Variants in CSGALNACT1 observed in about 807,000 individuals in gnomAD.
CSGALNACT1 encodes beta4GalNAcT-1.
Under a neutral mutation model 51.0 loss-of-function variants are expected in CSGALNACT1, and 52 were observed. The observed-to-expected ratio is 1.02, with a 90% CI of 0.82 to 1.29. CSGALNACT1 has a LOEUF of 1.29. CSGALNACT1 is among the 50% of genes most tolerant of loss of function. CSGALNACT1 has a pLI of 0.00. For synonymous variants in CSGALNACT1, 341 were observed against 254.4 expected, an observed-to-expected ratio of 1.34 and a Z score of -3.24; for missense variants, 935 against 679.2, an observed-to-expected ratio of 1.38 and a Z score of -4.19.
chr8:19,468,199 C>A (rs2067170563), intron 4 of CSGALNACT1, among the ~76,000 whole-genome samples: 1 of 152,010 alleles, frequency 6.6e-6, no homozygotes, highest in African/African-American at 2.4e-5. Context: ...GAACTGAAGA[C>A]TGAGCATGTG....
rs139821808 is a variant in CSGALNACT1 at position 19,572,579 on chromosome 8, T to C, written c.-297+18581A>G. Reference sequence around the variant, plus strand: ...GTACATACTACTCACAAAGAAGTTTTAACTCAGCAACTACAATAAATTATT... The same window carrying C: ...GTACATACTACTCACAAAGAAGTTTCAACTCAGCAACTACAATAAATTATT... On this transcript the variant is annotated intron_variant, in intron 3 of 9. Transcript: ENST00000454498. Among the ~76,000 whole-genome samples the C allele has an allele frequency of 9.9e-4, 151 of 152,336 alleles. 4 individuals carry two copies. The East Asian group carries it at 0.028, about 28-fold the overall frequency.
chr8:19,412,984 C>G (rs955370698), intron 8 of CSGALNACT1, among the ~76,000 whole-genome samples: 1 of 152,100 alleles, frequency 6.6e-6, no homozygotes, highest in Non-Finnish European at 1.5e-5. Flanking sequence ...TGTTGCCAAG[C>G]CCAAAACAAT....
intron 5 of CSGALNACT1, among the ~76,000 whole-genome samples, chr8:19,448,171 G>T (rs1338120980): frequency 2.0e-5 from 3 of 152,108 alleles, no homozygotes; most frequent in Non-Finnish European, 4.4e-5. Context: ...CAGAGTAGGG[G>T]AGAGAGAGAG....
intron 1 of CSGALNACT1, among the ~76,000 whole-genome samples, chr8:19,727,806 T>C (rs925478907): frequency 6.6e-6 from 1 of 152,178 alleles, no homozygotes; most frequent in Non-Finnish European, 1.5e-5. Context: ...TGGGCCTCAG[T>C]TGTCTCCAGT....
chr8:19,438,348 T>G (rs1464572922), intron 6 of CSGALNACT1, among the ~76,000 whole-genome samples: 1 of 152,210 alleles, frequency 6.6e-6, no homozygotes, highest in African/African-American at 2.4e-5. Context: ...ACAGAGACGT[T>G]AAAACCTACC....
intron 5 of CSGALNACT1, among the ~76,000 whole-genome samples, chr8:19,452,664 C>G (rs1310429324): frequency 6.6e-6 from 1 of 152,144 alleles, no homozygotes; most frequent in Non-Finnish European, 1.5e-5. Flanking sequence ...AGCAAGTGAG[C>G]TGGAGACGTG....
chr8:19,516,861 G>A (rs770392423), intron 3 of CSGALNACT1, among the ~76,000 whole-genome samples: 1 of 152,158 alleles, frequency 6.6e-6, no homozygotes, highest in South Asian at 2.1e-4. Context: ...TGAACACAGC[G>A]GCCACGGCAG....
chr8:19,611,614 T>A (rs532243169), intron 1 of CSGALNACT1, among the ~76,000 whole-genome samples: 33 of 152,332 alleles, frequency 2.2e-4, no homozygotes, highest in Middle Eastern at 6.8e-3. Context: ...CAAACCCAGG[T>A]GGTCTGAATG....
At chr8:19,743,461 T>C (rs1317731124) in intron 1 of CSGALNACT1, among the ~76,000 whole-genome samples, 4 of 152,244 alleles carry the variant, frequency 2.6e-5, no homozygotes, top group Admixed American at 6.5e-5. Flanking sequence ...TTATCAAAGA[T>C]ACTAGAGTGA....
At chr8:19,655,777 T>G (rs2058219039) in intron 1 of CSGALNACT1, among the ~76,000 whole-genome samples, 1 of 152,152 alleles carries the variant, frequency 6.6e-6, no homozygotes, top group Admixed American at 6.5e-5. Context: ...TTTTCACTTA[T>G]TGTACAAAAA....
chr8:19,493,837 A>C (rs1280263341), intron 4 of CSGALNACT1, among the ~76,000 whole-genome samples: 1 of 151,058 alleles, frequency 6.6e-6, no homozygotes, highest in East Asian at 1.9e-4. Context: ...GTGTGTTTTC[A>C]TTTCTCATCA....
intron 4 of CSGALNACT1, among the ~76,000 whole-genome samples, chr8:19,498,097 G>A (rs527281819): frequency 2.0e-5 from 3 of 152,144 alleles, no homozygotes; most frequent in African/African-American, 4.8e-5. Flanking sequence ...CAACGGGCAC[G>A]TATCCACGAC....
At position 19,406,623 on chromosome 8, in the gene CSGALNACT1, TAAAAAA is replaced by T. The variant is rs33985548; in HGVS notation, c.1310-560_1310-555del. On this transcript the variant is annotated intron_variant, in intron 9 of 9. Coordinates refer to ENST00000454498, the Ensembl canonical transcript of CSGALNACT1. Reference sequence around the variant, plus strand: ...ATAATAATTAAAAATAGAGGTTTCGTAAAAAAAAAAAAAAAAAAAAAAAAAAAGAGC... The same window carrying T: ...ATAATAATTAAAAATAGAGGTTTCGTAAAAAAAAAAAAAAAAAAAAAGAGC... Among the ~76,000 whole-genome samples the T allele has an allele frequency of 3.9e-3, 283 of 72,174 alleles. 11 individuals are homozygous for T. The East Asian group carries it at 0.1, about 26-fold the overall frequency. The allele number at this position is 72,174 out of a possible 152,430, so 47.3% of individuals were successfully genotyped here.
chr8:19,667,786 T>C (rs1448946362), intron 1 of CSGALNACT1, among the ~76,000 whole-genome samples: 1 of 152,210 alleles, frequency 6.6e-6, no homozygotes, highest in Non-Finnish European at 1.5e-5. Context: ...GAAAATGTAA[T>C]GTAAGATTAT....
chr8:19,505,258 T>A, exon 4 of CSGALNACT1: 1 of 1,614,184 alleles, frequency 6.2e-7, no homozygotes, highest in Non-Finnish European at 8.5e-7. Flanking sequence ...TCTGCAGGAC[T>A]GTTCAGGGTC....
intron 3 of CSGALNACT1, among the ~76,000 whole-genome samples, chr8:19,580,275 C>T (rs1035257039): frequency 1.8e-4 from 27 of 152,140 alleles, no homozygotes; most frequent in Admixed American, 1.3e-4. Flanking sequence ...CTTTGCACTC[C>T]AAAGCTGTGA....
At chr8:19,755,456 CAAAA>C (rs71205945) in intron 1 of CSGALNACT1, among the ~76,000 whole-genome samples, 83 of 74,528 alleles carry the variant, frequency 1.1e-3, no homozygotes, top group South Asian at 5.9e-3. Flanking sequence ...TAAAGAAAGA[CAAAA>C]AAAAAAAAAA....
chr8:19,514,374 G>A (rs1471400791), intron 3 of CSGALNACT1, among the ~76,000 whole-genome samples: 5 of 150,422 alleles, frequency 3.3e-5, no homozygotes, highest in Admixed American at 2.0e-4. Flanking sequence ...CAGTTTTGCT[G>A]CTTTTCCTCC....
At chr8:19,434,447 A>C (rs896097144) in intron 6 of CSGALNACT1, among the ~76,000 whole-genome samples, 2 of 152,180 alleles carry the variant, frequency 1.3e-5, no homozygotes, top group Non-Finnish European at 2.9e-5. Flanking sequence ...AGTTAGTTTC[A>C]GACATCATGA....
Sources: gnomAD v4.1 joint callset for allele counts (sites outside exome capture counted in the v4.1 genomes callset) on GRCh38, gnomAD v4.1.1 for gene constraint, MANE v1.5 for transcripts, NCBI Gene and HGNC (gene_info 2026-07-23, HGNC 2026-07-21) for gene names.